ROR2: variants seen among roughly 807,000 people sequenced by gnomAD.
ROR2 encodes ROR family WNT receptor 2.
In ROR2, 33 loss-of-function variants were observed where a neutral mutation model predicts 74.9. That is an observed-to-expected ratio of 0.44 (90% CI 0.33 to 0.59). The LOEUF is 0.59. Among genes scored for constraint, ROR2 ranks in the 20% least tolerant of loss-of-function variants. The probability of loss-of-function intolerance (pLI) is 0.02; values close to 1 mark genes in which losing one functional copy is unlikely to be tolerated. For synonymous variants in ROR2, 586 were observed against 558.7 expected (o/e 1.05, Z -0.69); for missense variants, 1,216 against 1,313.8 (o/e 0.93, Z 1.15).
chr9:91,890,279 T>A (rs560534010), intron 1 of ROR2, among the ~76,000 whole-genome samples: 1 of 152,288 alleles, frequency 6.6e-6, no homozygotes, highest in East Asian at 1.9e-4. Context: ...GGAGCCACTG[T>A]CGGCCTCAAG....
At chr9:91,756,159 T>G in intron 3 of ROR2, 58 bp from the exon 4 acceptor site, 1 of 1,576,770 alleles carries the variant, frequency 6.3e-7, no homozygotes, top group South Asian at 1.1e-5. Flanking sequence ...GAATACAACC[T>G]TCTTCAAATC....
chr9:91,919,034 C>T (rs915987093), intron 1 of ROR2, among the ~76,000 whole-genome samples: 2 of 151,920 alleles, frequency 1.3e-5, no homozygotes, highest in African/African-American at 4.9e-5. Context: ...CCACTCCACT[C>T]AACACAGCCA....
rs71494474 is a variant in ROR2 at position 91,757,066 on chromosome 9, C to G, written c.463+206G>C. ...ATTACAGGCGTGAGCCACCGTGCCT[C>G]GCCCTATTTTCTCTTATTACTAGTA... is the stretch of plus-strand genomic sequence containing the variant. On this transcript the variant is annotated intron_variant, in intron 3 of 8. Transcript: ENST00000375708. Among the ~76,000 whole-genome samples the G allele has an allele frequency of 0.12, 18,325 of 152,012 alleles. 1,243 individuals carry two copies. The highest frequency in any genetic ancestry group is 0.17 in the African/African-American group (6,992 of 41,436).
At chr9:91,938,782 G>C (rs1006936135) in intron 1 of ROR2, among the ~76,000 whole-genome samples, 1 of 152,152 alleles carries the variant, frequency 6.6e-6, no homozygotes, top group Non-Finnish European at 1.5e-5. Flanking sequence ...TGCATCAGTA[G>C]ATCCCCATAT....
intron 1 of ROR2, among the ~76,000 whole-genome samples, chr9:91,803,322 T>C (rs1460068211): frequency 1.3e-5 from 2 of 152,222 alleles, no homozygotes; most frequent in Non-Finnish European, 2.9e-5. Context: ...AAAGGCTATG[T>C]GAATCACTTC....
At chr9:91,788,117 CAGAAGAA>C (rs1826857953) in intron 1 of ROR2, among the ~76,000 whole-genome samples, 1 of 151,490 alleles carries the variant, frequency 6.6e-6, no homozygotes, top group African/African-American at 2.4e-5. Flanking sequence ...TTTGAGCAGG[CAGAAGAA>C]AGAATCAGTG....
intron 1 of ROR2, among the ~76,000 whole-genome samples, chr9:91,940,941 T>C (rs1204730392): frequency 6.6e-6 from 1 of 151,416 alleles, no homozygotes; most frequent in East Asian, 2.0e-4. Context: ...CTAAACTCCA[T>C]TGTTCATTGC....
At chr9:91,932,079 T>C (rs58964193) in intron 1 of ROR2, among the ~76,000 whole-genome samples, 21,466 of 152,166 alleles carry the variant, frequency 0.14, 3,330 homozygotes, top group African/African-American at 0.39. Context: ...GAGCTGCTTT[T>C]CAAATCTTTG....
chr9:91,881,998 G>A (rs1276191131), intron 1 of ROR2, among the ~76,000 whole-genome samples: 1 of 152,118 alleles, frequency 6.6e-6, no homozygotes, highest in African/African-American at 2.4e-5. Flanking sequence ...TTCCACACAG[G>A]AGCCACCTCT....
At chr9:91,879,134 C>A (rs574884298) in intron 1 of ROR2, among the ~76,000 whole-genome samples, 2 of 151,550 alleles carry the variant, frequency 1.3e-5, no homozygotes, top group South Asian at 4.2e-4. Context: ...ATTGGTCAAA[C>A]ATGGGAAAAG....
chr9:91,770,161 C>A (rs1826182521), intron 2 of ROR2, among the ~76,000 whole-genome samples: 1 of 152,214 alleles, frequency 6.6e-6, no homozygotes. Context: ...CAGGGGGATG[C>A]CCTCATGGTG....
At chr9:91,860,350 G>A (rs1245032101) in intron 1 of ROR2, among the ~76,000 whole-genome samples, 1 of 152,180 alleles carries the variant, frequency 6.6e-6, no homozygotes, top group Non-Finnish European at 1.5e-5. Context: ...AGAAACAGGG[G>A]AGTTTCCCAT....
At chr9:91,805,276 G>A (rs149605346) in intron 1 of ROR2, among the ~76,000 whole-genome samples, 203 of 152,352 alleles carry the variant, frequency 1.3e-3, no homozygotes, top group Admixed American at 4.5e-3. Flanking sequence ...CCAAGACACG[G>A]AGTTAGGGGC....
chr9:91,851,816 A>ATTTT (rs1829103432), intron 1 of ROR2, among the ~76,000 whole-genome samples: 1 of 152,078 alleles, frequency 6.6e-6, no homozygotes, highest in African/African-American at 2.4e-5. Context: ...CTCTACTAAA[A>ATTTT]GTACAAAGAA....
intron 1 of ROR2, among the ~76,000 whole-genome samples, chr9:91,782,584 C>CAA (rs55664591): frequency 1.5e-3 from 116 of 79,740 alleles, no homozygotes; most frequent in Middle Eastern, 6.8e-3. Flanking sequence ...TAGCTGATAG[C>CAA]AAAAAAAAAA....
intron 1 of ROR2, among the ~76,000 whole-genome samples, chr9:91,781,911 C>T (rs1328354347): frequency 6.6e-6 from 1 of 152,214 alleles, no homozygotes; most frequent in African/African-American, 2.4e-5. Flanking sequence ...TTCAATATTG[C>T]CTTCATAAAG....
chr9:91,859,454 A>T (rs1408490520), intron 1 of ROR2, among the ~76,000 whole-genome samples: 1 of 152,132 alleles, frequency 6.6e-6, no homozygotes, highest in Non-Finnish European at 1.5e-5. Flanking sequence ...AAAGATCTGA[A>T]GGCGGCAAGG....
Position 91,723,909 on chromosome 9 carries a change from T to A in ROR2, c.2585A>T (p.His862Leu), listed in dbSNP as rs1277548600. 3.7e-6 allele frequency: 6 copies of A among 1,613,924 alleles called. No homozygotes were observed. The highest frequency in any genetic ancestry group is 5.1e-6 in the Non-Finnish European group (6 of 1,180,022). The change falls in exon 9 of 9, where the codon CAC becomes CTC. Residue 862 changes from histidine to leucine, a missense_variant. By Grantham distance (99) the His-to-Leu change is moderately conservative (BLOSUM62 -3). Transcript: ENST00000375708. ...PPQMVPKPSSHHSGSGSTSTG... is the reference protein window; with the variant it reads ...PPQMVPKPSSLHSGSGSTSTG... ...GCTGGTGGAGCCACTGCCACTGTGG[T>A]GTGAGCTGGGCTTGGGGACCATCTG...
At chr9:91,937,418 T>G (rs1831730005) in intron 1 of ROR2, among the ~76,000 whole-genome samples, 1 of 151,982 alleles carries the variant, frequency 6.6e-6, no homozygotes, top group African/African-American at 2.4e-5. Flanking sequence ...CTCTAACAGC[T>G]CACAGGACGC....
Sources: gnomAD v4.1 joint callset for allele counts (sites outside exome capture counted in the v4.1 genomes callset) on GRCh38, gnomAD v4.1.1 for gene constraint, MANE v1.5 for transcripts, NCBI Gene and HGNC (gene_info 2026-07-23, HGNC 2026-07-21) for gene names.